The following SRBD1 variants were observed in gnomAD, a reference collection of about 807,000 sequenced individuals.
SRBD1 encodes S1 RNA-binding domain-containing protein 1.
In SRBD1, 88 loss-of-function variants were observed where a neutral mutation model predicts 115.3. The ratio of observed to expected loss-of-function variants is 0.76; its 90% confidence interval spans 0.64 to 0.91. SRBD1 has a LOEUF of 0.91. SRBD1 is among the 40% of genes least tolerant of loss of function. The pLI, the probability that SRBD1 is intolerant of heterozygous loss-of-function variation, is 0.00. For missense variants in SRBD1, 1,385 were observed against 1,177.4 expected, an observed-to-expected ratio of 1.18 and a Z score of -2.58; for synonymous variants, 509 against 407.7, an observed-to-expected ratio of 1.25 and a Z score of -2.99.
chr2:45,608,750 T>A (rs1195672742), intron 1 of SRBD1, among the ~76,000 whole-genome samples: 1 of 152,098 alleles, frequency 6.6e-6, no homozygotes, highest in African/African-American at 2.4e-5. Flanking sequence ...TAAAACCTGT[T>A]CCTATTCCAG....
At chr2:45,422,275 C>T (rs1572623492) in intron 16 of SRBD1, among the ~76,000 whole-genome samples, 1 of 152,138 alleles carries the variant, frequency 6.6e-6, no homozygotes, top group African/African-American at 2.4e-5. Context: ...CTATCCTAAC[C>T]TCTAGTTGTC....
chr2:45,465,112 T>C (rs994209637), intron 16 of SRBD1, among the ~76,000 whole-genome samples: 1 of 151,418 alleles, frequency 6.6e-6, no homozygotes, highest in Non-Finnish European at 1.5e-5. Flanking sequence ...AATCCATAGG[T>C]ACTCAAGGCC....
intron 14 of SRBD1, among the ~76,000 whole-genome samples, chr2:45,513,954 T>C (rs1267593290): frequency 6.6e-6 from 1 of 152,164 alleles, no homozygotes; most frequent in Non-Finnish European, 1.5e-5. Context: ...GCTAGGACTT[T>C]GAGATTTAGA....
chr2:45,465,808 C>T (rs17394081), intron 16 of SRBD1, among the ~76,000 whole-genome samples: 51,051 of 151,952 alleles, frequency 0.34, 9,601 homozygotes, highest in Non-Finnish European at 0.44. Context: ...GCATTTGTGA[C>T]CAGGCTACAT....
At chr2:45,586,564 G>C (rs1281459681) in intron 4 of SRBD1, among the ~76,000 whole-genome samples, 1 of 151,072 alleles carries the variant, frequency 6.6e-6, no homozygotes, top group Non-Finnish European at 1.5e-5. Context: ...TTATTTTTTT[G>C]AGACAGTGTC....
In SRBD1 at chr2:45,393,016, T is replaced by G. The variant is rs1171686466; in HGVS notation, c.2627A>C (p.Gln876Pro). The G allele has an allele frequency of 6.2e-7, 1 of 1,614,122 alleles. No individual in the cohort carries two copies. Among genetic ancestry groups the G allele is most frequent in the Non-Finnish European group, 8.5e-7 (1 of 1,179,966 alleles). The part of the protein sequence containing the change: ...EGMEKIAERL[Q>P]TTVHTLQVII... ...GACCTGTAAGGTGTGTACTGTTGTTTGCAATCTTTCTGCAATTTTCTCCAT... is the reference window on the plus strand; with the variant it reads ...GACCTGTAAGGTGTGTACTGTTGTTGGCAATCTTTCTGCAATTTTCTCCAT... The change falls in exon 20 of 21, where the codon CAA becomes CCA. Residue 876 changes from glutamine (Q) to proline (P), a missense_variant. Gln to Pro is a moderately conservative substitution (Grantham distance 76, BLOSUM62 -1). Coordinates refer to ENST00000263736, the MANE Select transcript of SRBD1 (RefSeq NM_018079.5).
Position 45,417,323 on chromosome 2 carries a change from T to C in SRBD1, c.2333+1042A>G, listed in dbSNP as rs79167301. Among the ~76,000 whole-genome samples, 658 of 152,330 alleles carry C rather than the reference T, an allele frequency of 4.3e-3. 5 individuals are homozygous for C. The highest frequency in any genetic ancestry group is 0.015 in the African/African-American group (613 of 41,568). On this transcript the variant is annotated intron_variant, in intron 18 of 20. Transcript: ENST00000263736. ...TTCACACATATTGAATTACTGGCAG[T>C]TGTCATAATATCATTTGTTAGATAA...
At chr2:45,556,474 T>TTTC (rs1397462603) in intron 10 of SRBD1, among the ~76,000 whole-genome samples, 9 of 132,418 alleles carry the variant, frequency 6.8e-5, no homozygotes, top group African/African-American at 2.6e-4. Context: ...TTTTTTTTTT[T>TTTC]TGAGACAGAG....
At chr2:45,587,416 G>A (rs1269944023) in intron 4 of SRBD1, among the ~76,000 whole-genome samples, 1 of 151,772 alleles carries the variant, frequency 6.6e-6, no homozygotes, top group East Asian at 1.9e-4. Flanking sequence ...AAAAGAGAAA[G>A]AATAAAATCC....
intron 14 of SRBD1, among the ~76,000 whole-genome samples, chr2:45,493,821 A>AT (rs1558432395): frequency 1.6e-4 from 25 of 152,050 alleles, no homozygotes; most frequent in African/African-American, 6.0e-4. Context: ...CAAAAAAAAA[A>AT]AAAAATAAAA....
chr2:45,599,772 G>A lies in SRBD1; in HGVS notation c.325C>T (p.Gln109Ter), dbSNP rs1444016182. 4 of 1,613,994 alleles carry A rather than the reference G, an allele frequency of 2.5e-6. No individual in the cohort carries two copies. The highest frequency in any genetic ancestry group is 3.4e-6 in the Non-Finnish European group (4 of 1,180,030). The part of the protein sequence containing the change: ...EDRKNKLDTV[Q>*]TLKTAKTKQK... ...TTTGTCTTGGCTGTTTTCAGAGTCTGTACAGTATCCAATTTATTTTTTCTG... is the reference window on the plus strand; with the variant it reads ...TTTGTCTTGGCTGTTTTCAGAGTCTATACAGTATCCAATTTATTTTTTCTG... The change falls in exon 4 of 21, where the codon CAG becomes TAG. Residue 109 changes from glutamine to a stop codon, truncating the protein, a stop_gained. Coordinates refer to ENST00000263736, the MANE Select transcript of SRBD1 (RefSeq NM_018079.5). LOFTEE classifies it high-confidence loss of function.
chr2:45,532,950 T>A (rs1282819431), intron 14 of SRBD1, among the ~76,000 whole-genome samples: 1 of 152,072 alleles, frequency 6.6e-6, no homozygotes, highest in Admixed American at 6.6e-5. Flanking sequence ...TAATTTTGAA[T>A]TCAACTAATG....
At chr2:45,459,661 C>T (rs10170059) in intron 16 of SRBD1, among the ~76,000 whole-genome samples, 12,330 of 152,144 alleles carry the variant, frequency 0.081, 698 homozygotes, top group African/African-American at 0.15. Flanking sequence ...TTCACATATG[C>T]ACCTTGAGGC....
At chr2:45,543,764 CA>C (rs1346673339) in intron 14 of SRBD1, among the ~76,000 whole-genome samples, 2 of 152,038 alleles carry the variant, frequency 1.3e-5, no homozygotes, top group Non-Finnish European at 2.9e-5. Flanking sequence ...TATTAGCAAA[CA>C]AATGCAAAAA....
At chr2:45,468,734 T>G (rs1669565057) in intron 16 of SRBD1, among the ~76,000 whole-genome samples, 1 of 152,078 alleles carries the variant, frequency 6.6e-6, no homozygotes, top group Admixed American at 6.6e-5. Context: ...TTTAGAGAAT[T>G]TTTCTAGGCT....
intron 6 of SRBD1, 135 bp downstream of exon 6, chr2:45,581,558 A>G: frequency 3.1e-6 from 2 of 636,350 alleles, no homozygotes; most frequent in Non-Finnish European, 5.3e-6. Context: ...TTGAATAAAG[A>G]ATAAATATTT....
intron 1 of SRBD1, among the ~76,000 whole-genome samples, chr2:45,608,225 C>A (rs1248284780): frequency 6.6e-6 from 1 of 152,162 alleles, no homozygotes; most frequent in Non-Finnish European, 1.5e-5. Flanking sequence ...CTTTATAAGG[C>A]ACCCCGAAAG....
At chr2:45,435,122 C>T (rs1465948238) in intron 16 of SRBD1, among the ~76,000 whole-genome samples, 1 of 152,112 alleles carries the variant, frequency 6.6e-6, no homozygotes. Flanking sequence ...TTTATGGATG[C>T]TTAGTATTCC....
chr2:45,496,694 C>A (rs1344467299), intron 14 of SRBD1, among the ~76,000 whole-genome samples: 1 of 152,150 alleles, frequency 6.6e-6, no homozygotes, highest in Non-Finnish European at 1.5e-5. Flanking sequence ...ACTCCTCCCT[C>A]TCTCCCTTCT....
Sources: gnomAD v4.1 joint callset for allele counts (sites outside exome capture counted in the v4.1 genomes callset) on GRCh38, gnomAD v4.1.1 for gene constraint, MANE v1.5 for transcripts, NCBI Gene and HGNC (gene_info 2026-07-23, HGNC 2026-07-21) for gene names.